Variants in KAZN observed in about 807,000 individuals in gnomAD.
KAZN encodes kazrin.
A neutral mutation model predicts 87.4 loss-of-function variants in KAZN; 40 were observed. The ratio of observed to expected loss-of-function variants is 0.46; its 90% CI spans 0.36 to 0.60. KAZN has a LOEUF of 0.60. Among genes scored for constraint, KAZN ranks in the 20% least tolerant of loss-of-function variants. KAZN has a pLI of 0.00. For synonymous variants in KAZN, 466 were observed against 458.3 expected (o/e 1.02, Z -0.22); for missense variants, 898 against 1,073.9 (o/e 0.84, Z 2.29).
chr1:14,902,792 G>C (rs1003302435), intron 1 of KAZN, among the ~76,000 whole-genome samples: 9 of 152,066 alleles, frequency 5.9e-5, no homozygotes, highest in African/African-American at 2.2e-4. Flanking sequence ...TTTTTGAGGG[G>C]AGGGAGGATT....
chr1:14,658,377 T>G (rs1272042760), intron 1 of KAZN, among the ~76,000 whole-genome samples: 7 of 152,150 alleles, frequency 4.6e-5, no homozygotes, highest in Non-Finnish European at 8.8e-5. Flanking sequence ...TCATCATTAT[T>G]ATTCACTGTT....
intron 2 of KAZN, among the ~76,000 whole-genome samples, chr1:14,199,945 G>A (rs1646605200): frequency 6.6e-6 from 1 of 151,652 alleles, no homozygotes; most frequent in Admixed American, 6.6e-5. Context: ...CTTACTCTTA[G>A]AAAGAGCGCT....
chr1:14,943,007 G>GGTGTGTGTGT (rs58102946), intron 1 of KAZN, among the ~76,000 whole-genome samples: 13 of 100,864 alleles, frequency 1.3e-4, no homozygotes, highest in African/African-American at 4.3e-4. Flanking sequence ...GTGTGTGTGT[G>GGTGTGTGTGT]GTGTGTGTGT....
chr1:14,723,948 G>A (rs1643250166), intron 1 of KAZN, among the ~76,000 whole-genome samples: 1 of 152,202 alleles, frequency 6.6e-6, no homozygotes, highest in African/African-American at 2.4e-5. Context: ...AGCGTGGACA[G>A]ATGCCTGCAA....
rs1054428617 is a variant in KAZN, at chr1:14,929,763, C to T, written c.227-30921C>T. The T allele has an allele frequency of 2.6e-5, 26 of 985,260 alleles. No homozygotes were observed. In the East Asian group the frequency reaches 6.8e-4, roughly 26 times the overall value. The allele number at this position is 985,260 out of a possible 1,614,324, so 61.0% of individuals were successfully genotyped here. A position where few individuals can be genotyped will look rare whatever the true frequency, so the allele number is the denominator to read the frequency against. On this transcript the variant is annotated intron_variant, in intron 1 of 14. Coordinates refer to ENST00000376030, the MANE Select transcript of KAZN (RefSeq NM_201628.3). ...TTAATGGATTTACTCTCCGTGAGTG[C>T]GTCTTATGTTGCGGGTGCCAGATGA...
At chr1:14,397,086 T>C (rs1440982930) in intron 2 of KAZN, among the ~76,000 whole-genome samples, 2 of 152,194 alleles carry the variant, frequency 1.3e-5, no homozygotes, top group Non-Finnish European at 2.9e-5. Context: ...AAGACTGAAA[T>C]AGGATTGCAG....
intron 2 of KAZN, among the ~76,000 whole-genome samples, chr1:14,547,941 G>T (rs1453436362): frequency 6.6e-6 from 1 of 151,366 alleles, no homozygotes; most frequent in Non-Finnish European, 1.5e-5. Flanking sequence ...ATCTAAAACA[G>T]TGGTGTCCAA....
chr1:14,690,974 T>C, intron 1 of KAZN, among the ~76,000 whole-genome samples: 1 of 152,224 alleles, frequency 6.6e-6, no homozygotes, highest in East Asian at 1.9e-4. Context: ...AACAAATGCA[T>C]GTTTTCATAC....
intron 2 of KAZN, among the ~76,000 whole-genome samples, chr1:14,507,871 G>T (rs1384405354): frequency 6.6e-6 from 1 of 152,024 alleles, no homozygotes; most frequent in African/African-American, 2.4e-5. Context: ...AGAGGCTGAG[G>T]TAGGAGAATG....
At chr1:14,024,728 G>A (rs116244726) in intron 1 of KAZN, among the ~76,000 whole-genome samples, 2 of 152,162 alleles carry the variant, frequency 1.3e-5, no homozygotes, top group East Asian at 3.9e-4. Flanking sequence ...CCCAGGGGAG[G>A]GAGTGGCACA....
chr1:14,882,136 AGACTG>A (rs1234083949), intron 1 of KAZN, among the ~76,000 whole-genome samples: 1 of 152,212 alleles, frequency 6.6e-6, no homozygotes, highest in African/African-American at 2.4e-5. Context: ...GAGTAGCCAG[AGACTG>A]GCTCATCCTC....
chr1:15,014,833 C>A (rs1229083652), intron 2 of KAZN, among the ~76,000 whole-genome samples: 1 of 152,178 alleles, frequency 6.6e-6, no homozygotes, highest in African/African-American at 2.4e-5. Context: ...CTGAGGCCAC[C>A]TGTCCCGCCT....
At chr1:14,352,213 A>G (rs1181226891) in intron 2 of KAZN, among the ~76,000 whole-genome samples, 1 of 152,068 alleles carries the variant, frequency 6.6e-6, no homozygotes, top group Non-Finnish European at 1.5e-5. Context: ...ATCTACATAC[A>G]TGGTTATGTA....
intron 1 of KAZN, among the ~76,000 whole-genome samples, chr1:14,628,574 G>A (rs189473746): frequency 2.6e-5 from 4 of 152,322 alleles, no homozygotes; most frequent in Non-Finnish European, 5.9e-5. Flanking sequence ...CATTTTATGT[G>A]GTTTAATAGT....
chr1:13,958,019 C>G (rs558245540), intron 1 of KAZN, among the ~76,000 whole-genome samples: 2 of 152,240 alleles, frequency 1.3e-5, no homozygotes, highest in South Asian at 4.1e-4. Context: ...GATAGTAATT[C>G]AGGTTATTGA....
intron 1 of KAZN, among the ~76,000 whole-genome samples, chr1:14,954,123 G>C (rs1397473351): frequency 6.6e-6 from 1 of 152,188 alleles, no homozygotes; most frequent in Non-Finnish European, 1.5e-5. Context: ...TGCATGGCCT[G>C]CCAGCTGGTA....
intron 1 of KAZN, among the ~76,000 whole-genome samples, chr1:14,028,740 G>C (rs1641192999): frequency 6.6e-6 from 1 of 152,154 alleles, no homozygotes; most frequent in Non-Finnish European, 1.5e-5. Context: ...CAAAAGGTTT[G>C]CCTTTAAATG....
At chr1:14,783,984 G>T (rs1478930699) in intron 1 of KAZN, among the ~76,000 whole-genome samples, 2 of 152,312 alleles carry the variant, frequency 1.3e-5, no homozygotes, top group Middle Eastern at 3.4e-3. Flanking sequence ...AAGAAGGGTT[G>T]TACCAGTCAG....
intron 1 of KAZN, among the ~76,000 whole-genome samples, chr1:13,976,453 T>G (rs1483751556): frequency 6.6e-6 from 1 of 151,954 alleles, no homozygotes; most frequent in Non-Finnish European, 1.5e-5. Context: ...TTTCCCTATA[T>G]ATTATTCCCC....
Sources: gnomAD v4.1 joint callset for allele counts (sites outside exome capture counted in the v4.1 genomes callset) on GRCh38, gnomAD v4.1.1 for gene constraint, MANE v1.5 for transcripts, NCBI Gene and HGNC (gene_info 2026-07-23, HGNC 2026-07-21) for gene names.